LRRC4C: variants seen among roughly 807,000 people sequenced by gnomAD.
LRRC4C encodes the protein leucine rich repeat containing 4C.
Under a neutral mutation model 33.6 loss-of-function variants are expected in LRRC4C, and 5 were observed. That is an observed-to-expected ratio of 0.15 (90% CI 0.08 to 0.31). The LOEUF (loss-of-function observed/expected upper bound fraction) is 0.31. Among genes scored for constraint, LRRC4C ranks in the 10% least tolerant of loss-of-function variants. The pLI is 1.00. For synonymous variants in LRRC4C, 329 were observed against 302.0 expected (o/e 1.09, Z -0.93); for missense variants, 560 against 796.7 (o/e 0.70, Z 3.58).
intron 3 of LRRC4C, among the ~76,000 whole-genome samples, chr11:40,515,718 G>A (rs1955533776): frequency 6.6e-6 from 1 of 151,986 alleles, no homozygotes. Flanking sequence ...ATTTTAAAAT[G>A]CAGTAAAATT....
intron 1 of LRRC4C, among the ~76,000 whole-genome samples, chr11:41,201,961 A>AGT (rs1946418023): frequency 6.6e-6 from 1 of 151,632 alleles, no homozygotes; most frequent in Non-Finnish European, 1.5e-5. Context: ...CAGCAAATGC[A>AGT]GTGTAGTTTT....
intron 3 of LRRC4C, among the ~76,000 whole-genome samples, chr11:40,333,265 T>C (rs1024288645): frequency 6.6e-6 from 1 of 152,164 alleles, no homozygotes; most frequent in Admixed American, 6.5e-5. Context: ...TCTTTATATA[T>C]TCATTCATAT....
intron 1 of LRRC4C, among the ~76,000 whole-genome samples, chr11:41,415,574 A>G (rs1954645746): frequency 6.6e-6 from 1 of 152,104 alleles, no homozygotes; most frequent in African/African-American, 2.4e-5. Context: ...TGGTTTTCAA[A>G]GTATGTTCTG....
At chr11:41,342,876 A>G (rs1033792410) in intron 1 of LRRC4C, among the ~76,000 whole-genome samples, 1 of 152,196 alleles carries the variant, frequency 6.6e-6, no homozygotes, top group Non-Finnish European at 1.5e-5. Context: ...AAAGTTCTGG[A>G]GGCCAGAAGT....
intron 3 of LRRC4C, among the ~76,000 whole-genome samples, chr11:40,408,599 C>T (rs1056222703): frequency 6.6e-6 from 1 of 151,876 alleles, no homozygotes; most frequent in Non-Finnish European, 1.5e-5. Context: ...AGGTCTAGAA[C>T]ATGGGTTTGG....
chr11:41,204,017 C>A lies in LRRC4C; in HGVS notation c.-496+255414G>T, dbSNP rs553210439. Among the ~76,000 whole-genome samples the A allele has an allele frequency of 3.3e-5, 5 of 152,116 alleles. No individual in the cohort carries two copies. The South Asian group carries it at 1.0e-3, about 32-fold the overall frequency. On this transcript the variant is annotated intron_variant, in intron 1 of 6. Transcript: ENST00000528697. ...ATGCAATTGTCAGATCAGAATAAGA[C>A]CTCATTTTTTTTTCTCCAGATTATA...
intron 1 of LRRC4C, among the ~76,000 whole-genome samples, chr11:41,345,046 C>T (rs1035068861): frequency 1.3e-5 from 2 of 152,054 alleles, no homozygotes; most frequent in Non-Finnish European, 2.9e-5. Context: ...TCCTCTCAAC[C>T]CAGAAATATA....
intron 3 of LRRC4C, among the ~76,000 whole-genome samples, chr11:40,510,883 T>A (rs1955281294): frequency 6.6e-6 from 1 of 151,986 alleles, no homozygotes; most frequent in South Asian, 2.1e-4. Flanking sequence ...AAAGAAAGAT[T>A]TGGATATTGG....
At chr11:41,262,046 A>C in intron 1 of LRRC4C, among the ~76,000 whole-genome samples, 1 of 152,256 alleles carries the variant, frequency 6.6e-6, no homozygotes, top group African/African-American at 2.4e-5. Context: ...GCAGGATTCT[A>C]TTCTAAAATA....
At chr11:40,872,656 C>A (rs61886587) in intron 2 of LRRC4C, among the ~76,000 whole-genome samples, 21,374 of 151,972 alleles carry the variant, frequency 0.14, 1,728 homozygotes, top group African/African-American at 0.21. Flanking sequence ...TATGAAGCTT[C>A]CAGAATGCCA....
chr11:41,287,571 G>A (rs1949867026), intron 1 of LRRC4C, among the ~76,000 whole-genome samples: 1 of 152,090 alleles, frequency 6.6e-6, no homozygotes, highest in Non-Finnish European at 1.5e-5. Context: ...ATGAATATAT[G>A]AATAGAATTG....
intron 2 of LRRC4C, among the ~76,000 whole-genome samples, chr11:40,855,366 C>T (rs1953729770): frequency 6.6e-6 from 1 of 152,150 alleles, no homozygotes; most frequent in Admixed American, 6.6e-5. Flanking sequence ...TGTCCTGCCT[C>T]CCTTTAAAAC....
intron 3 of LRRC4C, among the ~76,000 whole-genome samples, chr11:40,513,036 T>G (rs1163732020): frequency 6.6e-6 from 1 of 150,866 alleles, no homozygotes; most frequent in Non-Finnish European, 1.5e-5. Context: ...GATCACGAGG[T>G]CAGGAGATCG....
chr11:40,660,336 G>T (rs1382088622), intron 2 of LRRC4C, among the ~76,000 whole-genome samples: 1 of 152,192 alleles, frequency 6.6e-6, no homozygotes, highest in African/African-American at 2.4e-5. Context: ...AGTGCAGCCT[G>T]CTGGGCCAAG....
At chr11:41,156,168 A>G (rs1176700173) in intron 1 of LRRC4C, among the ~76,000 whole-genome samples, 1 of 152,102 alleles carries the variant, frequency 6.6e-6, no homozygotes, top group African/African-American at 2.4e-5. Flanking sequence ...AGGAGCACAC[A>G]AGTGTCTGCC....
At chr11:40,201,873 C>G (rs1014284722) in intron 5 of LRRC4C, among the ~76,000 whole-genome samples, 1 of 152,128 alleles carries the variant, frequency 6.6e-6, no homozygotes, top group African/African-American at 2.4e-5. Flanking sequence ...ACAAATGCCA[C>G]CTCGCATGGC....
chr11:41,046,856 A>C (rs916284372), intron 1 of LRRC4C, among the ~76,000 whole-genome samples: 1 of 152,182 alleles, frequency 6.6e-6, no homozygotes, highest in Non-Finnish European at 1.5e-5. Flanking sequence ...ACAATATGAC[A>C]GCTATTGACT....
intron 1 of LRRC4C, among the ~76,000 whole-genome samples, chr11:40,937,004 T>C (rs550995646): frequency 1.3e-5 from 2 of 152,168 alleles, no homozygotes; most frequent in Non-Finnish European, 2.9e-5. Flanking sequence ...CTGTCTAACA[T>C]TGTCAGCAGA....
chr11:40,515,428 A>G (rs1955523263), intron 3 of LRRC4C, among the ~76,000 whole-genome samples: 1 of 152,114 alleles, frequency 6.6e-6, no homozygotes. Flanking sequence ...CTATATGTGA[A>G]TAATTATATT....
Sources: gnomAD v4.1 joint callset for allele counts (sites outside exome capture counted in the v4.1 genomes callset) on GRCh38, gnomAD v4.1.1 for gene constraint, MANE v1.5 for transcripts, NCBI Gene and HGNC (gene_info 2026-07-23, HGNC 2026-07-21) for gene names.